The following ADCY8 variants were observed in gnomAD, a reference collection of about 807,000 sequenced individuals.
ADCY8 encodes adenylate cyclase type 8.
A neutral mutation model predicts 119.7 loss-of-function variants in ADCY8; 51 were observed. That is an observed-to-expected ratio of 0.43 (90% CI 0.34 to 0.54). The LOEUF is 0.54. Ranked by LOEUF, ADCY8 falls within the 20% of genes least tolerant of loss-of-function variation. The probability of loss-of-function intolerance (pLI) is 0.03; values close to 1 mark genes in which losing one functional copy is unlikely to be tolerated. For synonymous variants in ADCY8, 665 were observed against 651.0 expected, an observed-to-expected ratio of 1.02 and a Z score of -0.33; for missense variants, 1,383 against 1,598.8, an observed-to-expected ratio of 0.87 and a Z score of 2.30.
chr8:130,814,238 T>C lies in ADCY8; in HGVS notation c.2755-11A>G. 1.2e-6 allele frequency: 2 copies of C among 1,613,406 alleles called. No individual in the cohort carries two copies. The highest frequency in any genetic ancestry group is 3.3e-4 in the Middle Eastern group (2 of 6,004). On this transcript the variant is annotated splice_polypyrimidine_tract_variant and intron_variant, in intron 13 of 17. Coordinates refer to ENST00000286355, the MANE Select transcript of ADCY8 (RefSeq NM_001115.3). Reference sequence around the variant, plus strand: ...GGCTGTGTACTCCAGCTGCAGTACATGTGAGAGAAAGAGGAGAATGAGGTA... The same window carrying C: ...GGCTGTGTACTCCAGCTGCAGTACACGTGAGAGAAAGAGGAGAATGAGGTA...
At chr8:130,785,651 C>T (rs1815227753) in intron 15 of ADCY8, among the ~76,000 whole-genome samples, 176 bp from the exon 16 acceptor site, 1 of 152,238 alleles carries the variant, frequency 6.6e-6, no homozygotes, top group African/African-American at 2.4e-5. Context: ...ATTTAATGAG[C>T]ACTTGCTAAG....
At chr8:131,014,516 CTATT>C (rs1823408279) in intron 1 of ADCY8, among the ~76,000 whole-genome samples, 1 of 148,258 alleles carries the variant, frequency 6.7e-6, no homozygotes, top group Admixed American at 6.6e-5. Flanking sequence ...ACAGCTAAGC[CTATT>C]TTACCATTTT....
chr8:130,868,368 T>TA (rs147767021), intron 8 of ADCY8, among the ~76,000 whole-genome samples: 3 of 152,144 alleles, frequency 2.0e-5, no homozygotes, highest in African/African-American at 7.2e-5. Context: ...TCCTTTTTTT[T>TA]ATTAAAAATA....
chr8:130,817,049 T>C (rs951720757), intron 13 of ADCY8, among the ~76,000 whole-genome samples: 1 of 152,126 alleles, frequency 6.6e-6, no homozygotes, highest in Non-Finnish European at 1.5e-5. Context: ...CAGAGGGAAA[T>C]ACCCTAAGGA....
intron 2 of ADCY8, among the ~76,000 whole-genome samples, chr8:130,967,399 C>T (rs1019533409): frequency 1.9e-4 from 29 of 152,220 alleles, no homozygotes; most frequent in African/African-American, 5.3e-4. Flanking sequence ...CTCAGCAACT[C>T]GCTTGCTCTG....
intron 17 of ADCY8, 22 bp from the exon 18 acceptor site, chr8:130,780,899 C>A (rs372882400): frequency 1.9e-5 from 30 of 1,608,934 alleles, no homozygotes; most frequent in Non-Finnish European, 2.4e-5. Context: ...AGCAAAGGAG[C>A]AAGAAGTCAG....
intron 5 of ADCY8, among the ~76,000 whole-genome samples, chr8:130,934,926 T>G (rs1238738364): frequency 1.3e-5 from 2 of 152,230 alleles, no homozygotes; most frequent in Admixed American, 6.5e-5. Context: ...CGATTCCATT[T>G]TTTTGGCTTT....
chr8:130,940,511 T>C (rs1820924844), intron 4 of ADCY8, among the ~76,000 whole-genome samples: 1 of 151,634 alleles, frequency 6.6e-6, no homozygotes. Flanking sequence ...AATTATTTTA[T>C]ACAAAAAAAT....
intron 1 of ADCY8, among the ~76,000 whole-genome samples, chr8:131,008,868 G>T (rs940719831): frequency 6.6e-6 from 1 of 152,130 alleles, no homozygotes; most frequent in Non-Finnish European, 1.5e-5. Flanking sequence ...TTTGGAACTG[G>T]AGCAATGGTG....
chr8:130,876,533 G>T (rs1818572219), intron 8 of ADCY8, among the ~76,000 whole-genome samples: 1 of 152,146 alleles, frequency 6.6e-6, no homozygotes, highest in African/African-American at 2.4e-5. Context: ...ATGTGTTCAT[G>T]TATTCACTTA....
chr8:131,001,782 A>G (rs146962743), intron 1 of ADCY8, among the ~76,000 whole-genome samples: 242 of 152,242 alleles, frequency 1.6e-3, no homozygotes, highest in Admixed American at 5.6e-3. Flanking sequence ...ATGATGCACC[A>G]TGGATGTTCT....
intron 15 of ADCY8, among the ~76,000 whole-genome samples, chr8:130,797,378 C>T (rs760685229): frequency 7.2e-5 from 11 of 152,130 alleles, no homozygotes; most frequent in South Asian, 2.1e-4. Flanking sequence ...CAAAGCCTGA[C>T]GTCTTAACCT....
chr8:131,016,016 T>C (rs1008755447), intron 1 of ADCY8, among the ~76,000 whole-genome samples: 1 of 152,250 alleles, frequency 6.6e-6, no homozygotes, highest in African/African-American at 2.4e-5. Context: ...ACCTACTACA[T>C]GTCAGGCATT....
chr8:130,967,426 T>C (rs73718847), intron 2 of ADCY8, among the ~76,000 whole-genome samples: 9,106 of 152,316 alleles, frequency 0.06, 941 homozygotes, highest in African/African-American at 0.21. Flanking sequence ...TGATAACTTA[T>C]ATTGTTCCTT....
intron 1 of ADCY8, among the ~76,000 whole-genome samples, chr8:131,022,122 GT>G (rs765192695): frequency 8.8e-5 from 12 of 135,650 alleles, no homozygotes; most frequent in Admixed American, 6.4e-4. Context: ...ACACCAATCT[GT>G]TTTTTTTATT....
chr8:130,961,068 CA>C (rs1185395608), intron 2 of ADCY8, among the ~76,000 whole-genome samples: 8 of 152,162 alleles, frequency 5.3e-5, no homozygotes, highest in African/African-American at 1.9e-4. Flanking sequence ...GCAAAAAGCA[CA>C]AAGGAGGCCT....
chr8:130,799,207 T>C (rs1815687056), intron 15 of ADCY8, among the ~76,000 whole-genome samples: 1 of 152,140 alleles, frequency 6.6e-6, no homozygotes, highest in African/African-American at 2.4e-5. Context: ...TTTCTGGAGA[T>C]CTATTGCACA....
chr8:130,990,243 A>G (rs763191359), intron 2 of ADCY8, 150 bp downstream of exon 2: 37 of 1,019,176 alleles, frequency 3.6e-5, no homozygotes, highest in Non-Finnish European at 5.0e-5. Flanking sequence ...TGTAAGTCTA[A>G]CACAACTATT....
chr8:130,908,319 T>C (rs1359483418), intron 6 of ADCY8, among the ~76,000 whole-genome samples: 3 of 152,226 alleles, frequency 2.0e-5, no homozygotes, highest in Non-Finnish European at 4.4e-5. Flanking sequence ...TTGGCTAACT[T>C]GTTTGTCTAA....
Sources: allele counts gnomAD v4.1 joint callset (sites outside exome capture counted in the v4.1 genomes callset), GRCh38; gene constraint gnomAD v4.1.1; transcripts MANE v1.5; gene names NCBI Gene and HGNC (gene_info 2026-07-23, HGNC 2026-07-21).